The following LMNTD2 variants were observed in gnomAD, a reference collection of about 807,000 sequenced individuals.
The protein encoded by LMNTD2 is lamin tail domain containing 2.
In LMNTD2, 83 loss-of-function variants were observed where a neutral mutation model predicts 70.1. The ratio of observed to expected loss-of-function variants is 1.18; its 90% confidence interval spans 0.99 to 1.42. LMNTD2 has a LOEUF of 1.42. LMNTD2 is among the 40% of genes most tolerant of loss of function. The pLI, the probability that LMNTD2 is intolerant of heterozygous loss-of-function variation, is 0.00. For synonymous variants in LMNTD2, 534 were observed against 406.1 expected (o/e 1.31, Z -3.79); for missense variants, 1,153 against 905.9 (o/e 1.27, Z -3.50).
In LMNTD2 at chr11:560,697, G is replaced by A. The variant is rs753266041; in HGVS notation, c.20C>T (p.Ala7Val). 1 of 1,441,922 alleles carries A rather than the reference G, an allele frequency of 6.9e-7. No homozygotes were observed. Among genetic ancestry groups the A allele is most frequent in the South Asian group, 1.4e-5 (1 of 73,422 alleles). The allele number at this position is 1,441,922 out of a possible 1,614,324, so 89.3% of individuals were successfully genotyped here. Residue 7 changes from alanine (A) to valine (V), a missense_variant, in exon 1 of 14, where the codon GCG (alanine) becomes GTG (valine). Coordinates refer to ENST00000329451, the MANE Select transcript of LMNTD2 (RefSeq NM_173573.3). ...CAGACACCTACCCCGACGCCTGCCCGCGGGCCGCAGCCACCGCATTTCCGC... is the reference window on the plus strand; with the variant it reads ...CAGACACCTACCCCGACGCCTGCCCACGGGCCGCAGCCACCGCATTTCCGC... The part of the protein sequence containing the change: MRWLRP[A>V]GRRREQESVS...
Position 557,503 on chromosome 11 carries a change from G to C in LMNTD2, c.625-16C>G, listed in dbSNP as rs374265452. The C allele has an allele frequency of 2.0e-5, 33 of 1,613,244 alleles. No individual in the cohort carries two copies. The African/African-American group carries it at 3.2e-4, about 16-fold the overall frequency. On this transcript the variant is annotated splice_polypyrimidine_tract_variant and intron_variant, in intron 6 of 13. Coordinates refer to ENST00000329451, the MANE Select transcript of LMNTD2 (RefSeq NM_173573.3). ...GCCGAAAGCCCTGGCCAGGAAGCAA[G>C]AGGCACATGGTCCTCCCCTCCCGCA...
In LMNTD2 at chr11:555,015, G is replaced by C; in HGVS notation, c.1870C>G (p.Leu624Val). The C allele has an allele frequency of 6.3e-7, 1 of 1,592,424 alleles. No individual in the cohort carries two copies. The highest frequency in any genetic ancestry group is 1.1e-5 in the South Asian group (1 of 88,868). ...CGGCAGGTGTCCGCGGTGACCGGCAGGCAGCTGAGGAAGCGGAAGCCGAAT... is the reference window on the plus strand; with the variant it reads ...CGGCAGGTGTCCGCGGTGACCGGCACGCAGCTGAGGAAGCGGAAGCCGAAT... ...SRFGFRFLSC[L>V]PVTADTCRGA Residue 624 changes from leucine to valine, a missense_variant, in exon 14 of 14, where the codon CTG (leucine) becomes GTG (valine). Leu to Val is a conservative substitution (Grantham distance 32). Coordinates refer to ENST00000329451, the MANE Select transcript of LMNTD2 (RefSeq NM_173573.3).
At chr11:557,820 C>T in intron 5 of LMNTD2, 64 bp downstream of exon 5, 5 of 1,511,582 alleles carry the variant, frequency 3.3e-6, no homozygotes, top group Non-Finnish European at 4.4e-6. Flanking sequence ...GCAGAGGCAC[C>T]CGACGAGATG....
intron 10 of LMNTD2, 32 bp downstream of exon 10, chr11:556,160 C>T (rs992466909): frequency 3.8e-6 from 5 of 1,316,316 alleles, no homozygotes; most frequent in Non-Finnish European, 4.8e-6. Flanking sequence ...CGGGCCGGGC[C>T]GTCGGGGCCG....
chr11:559,057 C>A, intron 1 of LMNTD2, 78 bp from the exon 2 acceptor site: 1 of 1,560,234 alleles, frequency 6.4e-7, no homozygotes, highest in Non-Finnish European at 8.7e-7. Flanking sequence ...CAATGTTCTT[C>A]GGGAGCTGGG....
chr11:558,114 G>C (rs200718871), intron 4 of LMNTD2, 47 bp downstream of exon 4: 1 of 1,607,810 alleles, frequency 6.2e-7, no homozygotes, highest in Non-Finnish European at 8.5e-7. Context: ...CCCCAGCCTG[G>C]CTCCCCAACA....
chr11:555,395 G>A lies in LMNTD2; in HGVS notation c.1683C>T (p.Ala561=), dbSNP rs1852781740. Residue 561 remains alanine, a synonymous_variant, in exon 13 of 14, where the codon GCC becomes GCT. Transcript: ENST00000329451. ...ACGGCAGGGTGGGGTCACCCGGGAT[G>A]GCGGGCAGGTGCTGCGGCGCGGGGA... ...PEIPAPQHLP[A]IPGDPTLPSP... 7.1e-7 allele frequency: 1 copy of A among 1,406,712 alleles called. No individual in the cohort carries two copies. Among genetic ancestry groups the A allele is most frequent in the Non-Finnish European group, 9.2e-7 (1 of 1,084,530 alleles). 87.1% of individuals were successfully genotyped at this position (1,406,712 alleles called of 1,614,324 possible). A position where few individuals can be genotyped will look rare whatever the true frequency, so the allele number is the denominator to read the frequency against.
At chr11:555,706 C>T (rs749981586) in intron 12 of LMNTD2, 28 bp downstream of exon 12, 23 of 1,376,956 alleles carry the variant, frequency 1.7e-5, no homozygotes, top group East Asian at 3.1e-5. Context: ...GGGAGGGAGG[C>T]CAGATCCCGG....
At chr11:555,953 C>G (rs1852835889) in intron 11 of LMNTD2, 23 bp from the exon 12 acceptor site, 6 of 1,556,340 alleles carry the variant, frequency 3.9e-6, no homozygotes, top group Middle Eastern at 2.2e-4. Flanking sequence ...TCGGTCACCC[C>G]CACACCCCAG....
At chr11:559,335 C>T in intron 1 of LMNTD2, 3 of 1,365,522 alleles carry the variant, frequency 2.2e-6, no homozygotes, top group Non-Finnish European at 2.9e-6. Context: ...GGGCCCTACC[C>T]CCAGCACTCA....
At chr11:559,416 A>G in intron 1 of LMNTD2, 1 of 1,308,872 alleles carries the variant, frequency 7.6e-7, no homozygotes, top group South Asian at 1.2e-5. Flanking sequence ...ACCAGCACCC[A>G]GAAGGGGTGG....
At position 555,407 on chromosome 11, in the gene LMNTD2, C is replaced by T; in HGVS notation, c.1671G>A (p.Gln557=). 7.2e-6 allele frequency: 10 copies of T among 1,390,742 alleles called. No homozygotes were observed. Among genetic ancestry groups the T allele is most frequent in the Non-Finnish European group, 9.3e-6 (10 of 1,076,620 alleles). The allele number at this position is 1,390,742 out of a possible 1,614,324, so 86.2% of individuals were successfully genotyped here. The change falls in exon 13 of 14, where the codon CAG becomes CAA. Residue 557 remains glutamine, a synonymous_variant. Transcript: ENST00000329451. The part of the protein sequence containing the change: ...RPENPEIPAP[Q]HLPAIPGDPT... ...GGTCACCCGGGATGGCGGGCAGGTGCTGCGGCGCGGGGATCTCGGGGTTCT... is the reference window on the plus strand; with the variant it reads ...GGTCACCCGGGATGGCGGGCAGGTGTTGCGGCGCGGGGATCTCGGGGTTCT...
rs1294902638 is a variant in LMNTD2, at chr11:556,011, C to G, written c.1362G>C (p.Leu454=). 6.4e-7 allele frequency: 1 copy of G among 1,558,780 alleles called. No individual in the cohort carries two copies. The highest frequency in any genetic ancestry group is 1.4e-5 in the African/African-American group (1 of 70,658). The change falls in exon 11 of 14, where the codon CTG becomes CTC. Residue 454 remains leucine (L), a synonymous_variant. Transcript: ENST00000329451. The part of the protein sequence containing the change: ...LSIRGCATLL[L]SPKGEVLSEH... ...CCGCACCGACCTCGCCCTTGGGGCT[C>G]AGGAGCAGCGTCGCGCAGCCGCGGA...
rs772191845 is a variant in LMNTD2 at position 555,041 on chromosome 11, C to T, written c.1844G>A (p.Arg615Lys). ...ALSVQNTAES[R>K]FGFRFLSCLP... ...GCAGCTGAGGAAGCGGAAGCCGAAT[C>T]TGCTCTCCGCCGTGTTCTGCACCGA... The change falls in exon 14 of 14, where the codon AGA becomes AAA. Residue 615 changes from arginine to lysine, a missense_variant. Arg to Lys is a conservative substitution (Grantham distance 26). Coordinates refer to ENST00000329451, the MANE Select transcript of LMNTD2 (RefSeq NM_173573.3). 3 of 1,594,348 alleles carry T rather than the reference C, an allele frequency of 1.9e-6. No homozygotes were observed. The highest frequency in any genetic ancestry group is 1.7e-6 in the Non-Finnish European group (2 of 1,173,384).
At position 556,269 on chromosome 11, in the gene LMNTD2, G is replaced by C; in HGVS notation, c.1180C>G (p.Gln394Glu). Reference sequence around the variant, plus strand: ...CGCTCCGGGAAGCCGCGCACCAGCTGCTTCAGCACCATGCCGCTCAGGTCG... The same window carrying C: ...CGCTCCGGGAAGCCGCGCACCAGCTCCTTCAGCACCATGCCGCTCAGGTCG... ...TADLSGMVLK[Q>E]LVRGFPERLY... Residue 394 changes from glutamine to glutamate, a missense_variant, in exon 10 of 14, where the codon CAG becomes GAG. Physicochemically the swap from Gln to Glu is conservative, Grantham distance 29 (BLOSUM62 2). Transcript: ENST00000329451. The C allele has an allele frequency of 6.5e-7, 1 of 1,533,430 alleles. No homozygotes were observed. The highest frequency in any genetic ancestry group is 1.7e-4 in the Middle Eastern group (1 of 5,762). 95.0% of individuals were successfully genotyped at this position (1,533,430 alleles called of 1,614,324 possible).
In LMNTD2 at chr11:557,899, C is replaced by G; in HGVS notation, c.540G>C (p.Gln180His). The change falls in exon 5 of 14, where the codon CAG becomes CAC. Residue 180 changes from glutamine to histidine, a missense_variant. Coordinates refer to ENST00000329451, the MANE Select transcript of LMNTD2 (RefSeq NM_173573.3). ...SSWVGRMLRSQTGSVEVVTAE... is the reference protein window; with the variant it reads ...SSWVGRMLRSHTGSVEVVTAE... Reference sequence around the variant, plus strand: ...ACAGGCTCACCTCCACACTGCCAGTCTGGGATCGTAGCATGCGGCCCACCC... The same window carrying G: ...ACAGGCTCACCTCCACACTGCCAGTGTGGGATCGTAGCATGCGGCCCACCC... 6.4e-7 allele frequency: 1 copy of G among 1,573,638 alleles called. No homozygotes were observed. The highest frequency in any genetic ancestry group is 8.6e-7 in the Non-Finnish European group (1 of 1,160,720).
intron 1 of LMNTD2, chr11:559,623 G>A (rs1382866136): frequency 2.5e-6 from 3 of 1,183,402 alleles, no homozygotes; most frequent in East Asian, 1.2e-4. Flanking sequence ...GATAAATAGG[G>A]GGGCACTGCT....
At chr11:558,379 C>T in intron 3 of LMNTD2, 131 bp from the exon 4 acceptor site, 1 of 1,155,000 alleles carries the variant, frequency 8.7e-7, no homozygotes, top group Non-Finnish European at 1.2e-6. Flanking sequence ...CAGTACAGCC[C>T]CGCTGGGGCT....
chr11:558,014 A>C lies in LMNTD2; in HGVS notation c.425T>G (p.Leu142Arg). 1 of 1,582,422 alleles carries C rather than the reference A, an allele frequency of 6.3e-7. No homozygotes were observed. Among genetic ancestry groups the C allele is most frequent in the Non-Finnish European group, 8.6e-7 (1 of 1,162,092 alleles). Reference sequence around the variant, plus strand: ...CTGGAGCGTGCGGGTGGTCTGCAGCAGCCGCTCCTCCAGGTGCTCCTTCTC... The same window carrying C: ...CTGGAGCGTGCGGGTGGTCTGCAGCCGCCGCTCCTCCAGGTGCTCCTTCTC... Reference protein sequence around the residue: ...QWEKEHLEERLLQTTRTLQEM... With the variant: ...QWEKEHLEERRLQTTRTLQEM... Residue 142 changes from leucine (L) to arginine (R), a missense_variant, in exon 5 of 14, where the codon CTG becomes CGG. Physicochemically the swap from Leu to Arg is moderately radical, Grantham distance 102 (BLOSUM62 -2). Coordinates refer to ENST00000329451, the MANE Select transcript of LMNTD2 (RefSeq NM_173573.3).
Sources: allele counts gnomAD v4.1 joint callset, GRCh38; gene constraint gnomAD v4.1.1; transcripts MANE v1.5; gene names NCBI Gene and HGNC (gene_info 2026-07-23, HGNC 2026-07-21).